Variants in AUTS2 observed in about 807,000 individuals in gnomAD.
AUTS2 encodes the protein activator of transcription and developmental regulator AUTS2.
Under a neutral mutation model 112.4 loss-of-function variants are expected in AUTS2, and 17 were observed. The ratio of observed to expected loss-of-function variants is 0.15; its 90% CI spans 0.10 to 0.23. The LOEUF is 0.23. AUTS2 is among the 10% of genes least tolerant of loss of function. The probability of loss-of-function intolerance (pLI) is 1.00; values close to 1 mark genes in which losing one functional copy is unlikely to be tolerated. For synonymous variants in AUTS2, 751 were observed against 702.7 expected, an observed-to-expected ratio of 1.07 and a Z score of -1.09; for missense variants, 1,510 against 1,701.6, an observed-to-expected ratio of 0.89 and a Z score of 1.98.
At chr7:70,454,922 C>T (rs532092608) in intron 5 of AUTS2, among the ~76,000 whole-genome samples, 28 of 152,302 alleles carry the variant, frequency 1.8e-4, no homozygotes, top group Admixed American at 5.2e-4. Context: ...GACCATTCCA[C>T]GAGCTGCTGT....
intron 5 of AUTS2, among the ~76,000 whole-genome samples, chr7:70,641,215 T>C (rs564062368): frequency 6.6e-6 from 1 of 152,330 alleles, no homozygotes; most frequent in Non-Finnish European, 1.5e-5. Flanking sequence ...AGAGTCACCA[T>C]GAACCCTACC....
chr7:69,847,068 C>T (rs1192667006), intron 1 of AUTS2, among the ~76,000 whole-genome samples: 1 of 152,108 alleles, frequency 6.6e-6, no homozygotes, highest in East Asian at 1.9e-4. Flanking sequence ...ATAAATTTGT[C>T]TTACTTTCCT....
In AUTS2 at chr7:70,790,557, G is replaced by A. The variant is rs370456436; in HGVS notation, c.3341G>A (p.Arg1114His). ...LSTPRLYEAD[R>H]SFRDREPHDY... is the part of the protein sequence containing the mutation. ...ACTCCCCGGCTGTACGAAGCCGACC[G>A]CTCCTTCAGGGACCGGGAGCCTCAC... The change falls in exon 19 of 19, where the codon CGC becomes CAC. Residue 1114 changes from arginine (R) to histidine (H), a missense_variant. Arg to His is a conservative substitution (Grantham distance 29). Coordinates refer to ENST00000342771, the MANE Select transcript of AUTS2 (RefSeq NM_015570.4). This position sits in a 1 kb window ranked among gnomAD's most constrained non-coding sequence, Gnocchi z 7.6. The A allele has an allele frequency of 3.6e-5, 58 of 1,603,632 alleles. No homozygotes were observed. Among genetic ancestry groups the A allele is most frequent in the African/African-American group, 6.7e-5 (5 of 74,666 alleles).
intron 2 of AUTS2, among the ~76,000 whole-genome samples, chr7:70,093,943 G>A (rs1804055914): frequency 6.6e-6 from 1 of 152,190 alleles, no homozygotes. Flanking sequence ...CCTGGAAGAG[G>A]TACTTAGGGG....
intron 5 of AUTS2, among the ~76,000 whole-genome samples, chr7:70,534,459 C>T (rs932007407): frequency 6.6e-6 from 1 of 152,060 alleles, no homozygotes; most frequent in African/African-American, 2.4e-5. Flanking sequence ...CAGAGTCTCA[C>T]TCTGTCGCCC....
At chr7:70,642,933 C>T (rs1237508869) in intron 5 of AUTS2, among the ~76,000 whole-genome samples, 1 of 152,268 alleles carries the variant, frequency 6.6e-6, no homozygotes, top group South Asian at 2.1e-4. Context: ...GTCATTTCCA[C>T]TTGCCAGGTG....
intron 5 of AUTS2, among the ~76,000 whole-genome samples, chr7:70,625,446 A>C (rs527245059): frequency 6.6e-6 from 1 of 152,324 alleles, no homozygotes; most frequent in South Asian, 2.1e-4. Flanking sequence ...GGGGGACATC[A>C]TTACACAAAG....
intron 4 of AUTS2, among the ~76,000 whole-genome samples, chr7:70,327,686 C>T (rs1585022064): frequency 6.6e-6 from 1 of 152,168 alleles, no homozygotes; most frequent in Non-Finnish European, 1.5e-5. Flanking sequence ...GTAATCATCC[C>T]TCAAAATGCA....
At chr7:70,440,545 G>A (rs565416766) in intron 5 of AUTS2, among the ~76,000 whole-genome samples, 2 of 152,264 alleles carry the variant, frequency 1.3e-5, no homozygotes, top group African/African-American at 4.8e-5. Context: ...AGGAAGACTA[G>A]CATCCTCTTT....
Position 70,774,099 on chromosome 7 carries a change from G to A in AUTS2, c.1902G>A (p.Arg634=). The part of the protein sequence containing the change: ...VPHTLLQKDP[R]LTDPFRPMLR... The stretch of plus-strand genomic sequence containing the variant: ...ACACTTTACTCCAAAAGGACCCGAG[G>A]GTACGTGCAAAGTCAGGCTTGGTCT... The change falls in exon 12 of 19, where the codon AGG becomes AGA. Residue 634 remains arginine, a splice_region_variant and synonymous_variant. Coordinates refer to ENST00000342771, the MANE Select transcript of AUTS2 (RefSeq NM_015570.4). The A allele has an allele frequency of 6.2e-7, 1 of 1,614,172 alleles. No individual in the cohort carries two copies. Among genetic ancestry groups the A allele is most frequent in the Non-Finnish European group, 8.5e-7 (1 of 1,180,022 alleles).
rs551405281 is a variant in AUTS2, at chr7:70,290,109, A to T, written c.661-145643A>T. ...TGAAAAATCTTGTGTATGAAGAGTC[A>T]TGATGTAGAACATTCAAACAAATGG... On this transcript the variant is annotated intron_variant, in intron 4 of 18. Coordinates refer to ENST00000342771, the MANE Select transcript of AUTS2 (RefSeq NM_015570.4). Among the ~76,000 whole-genome samples the T allele has an allele frequency of 2.0e-5, 3 of 152,360 alleles. No individual in the cohort carries two copies. The East Asian group carries it at 5.8e-4, about 29-fold the overall frequency.
chr7:70,308,160 G>A (rs1789571447), intron 4 of AUTS2, among the ~76,000 whole-genome samples: 1 of 152,202 alleles, frequency 6.6e-6, no homozygotes, highest in Admixed American at 6.5e-5. Context: ...CCAGGCCAGA[G>A]CCCTCGTTTT....
intron 5 of AUTS2, among the ~76,000 whole-genome samples, chr7:70,691,434 A>C (rs55767270): frequency 0.15 from 21,874 of 150,728 alleles, 1,960 homozygotes; most frequent in East Asian, 0.34. Flanking sequence ...AAAAAAAAAA[A>C]CAATCTTCCT....
chr7:70,740,389 GT>G (rs1788033300), intron 6 of AUTS2, among the ~76,000 whole-genome samples: 1 of 152,130 alleles, frequency 6.6e-6, no homozygotes, highest in African/African-American at 2.4e-5. Context: ...GTCATTGAGA[GT>G]TGTCCTTCCT....
At chr7:69,901,732 T>C (rs540363250) in intron 2 of AUTS2, among the ~76,000 whole-genome samples, 37 of 152,354 alleles carry the variant, frequency 2.4e-4, no homozygotes, top group African/African-American at 8.4e-4. Flanking sequence ...AAATATGTTA[T>C]CCAATCAAGT....
At chr7:70,127,866 A>G (rs1175767631) in intron 3 of AUTS2, among the ~76,000 whole-genome samples, 1 of 151,892 alleles carries the variant, frequency 6.6e-6, no homozygotes, top group African/African-American at 2.4e-5. Flanking sequence ...TGTCTATCCC[A>G]CAGTGCCACT....
intron 1 of AUTS2, among the ~76,000 whole-genome samples, chr7:69,630,061 C>G (rs1009751551): frequency 6.6e-6 from 1 of 151,852 alleles, no homozygotes; most frequent in Non-Finnish European, 1.5e-5. Flanking sequence ...TCGAGACCAG[C>G]CTGGCCAACA....
At chr7:70,788,458 C>T (rs906542815) in intron 18 of AUTS2, among the ~76,000 whole-genome samples, 1 of 152,192 alleles carries the variant, frequency 6.6e-6, no homozygotes, top group Admixed American at 6.5e-5. Context: ...CTCTTAACCA[C>T]TGGGAGGAAT....
At chr7:70,042,141 G>A (rs73160116) in intron 2 of AUTS2, among the ~76,000 whole-genome samples, 3,664 of 151,968 alleles carry the variant, frequency 0.024, 61 homozygotes, top group Non-Finnish European at 0.038. Flanking sequence ...TTTCAGTAAA[G>A]CATTACACAT....
Sources: allele counts gnomAD v4.1 joint callset (sites outside exome capture counted in the v4.1 genomes callset), GRCh38; gene constraint gnomAD v4.1.1; non-coding constraint Gnocchi (gnomAD v3.1); transcripts MANE v1.5; gene names NCBI Gene and HGNC (gene_info 2026-07-23, HGNC 2026-07-21).